The following GDAP1L1 variants were observed in gnomAD, a reference collection of about 807,000 sequenced individuals.
GDAP1L1 encodes ganglioside induced differentiation associated protein 1 like 1.
Under a neutral mutation model 37.1 loss-of-function variants are expected in GDAP1L1, and 21 were observed. The observed-to-expected ratio is 0.57, with a 90% CI of 0.40 to 0.81. The LOEUF (loss-of-function observed/expected upper bound fraction) is 0.81, where lower values mean the gene tolerates loss of function less well. Among genes scored for constraint, GDAP1L1 ranks in the 40% least tolerant of loss-of-function variants. The pLI, the probability that GDAP1L1 is intolerant of heterozygous loss-of-function variation, is 0.00. For synonymous variants in GDAP1L1, 193 were observed against 209.1 expected, an observed-to-expected ratio of 0.92 and a Z score of 0.67; for missense variants, 362 against 491.6, an observed-to-expected ratio of 0.74 and a Z score of 2.49.
At chr20:44,254,573 C>A (rs1348108566) in intron 1 of GDAP1L1, among the ~76,000 whole-genome samples, 1 of 152,230 alleles carries the variant, frequency 6.6e-6, no homozygotes, top group East Asian at 1.9e-4. Flanking sequence ...CTGAATCCAG[C>A]CCCCTTGTTT....
intron 3 of GDAP1L1, among the ~76,000 whole-genome samples, chr20:44,260,854 G>A (rs969449294): frequency 5.3e-5 from 8 of 152,222 alleles, no homozygotes; most frequent in African/African-American, 1.9e-4. Flanking sequence ...CCAAAGAGCA[G>A]TGGAGAAACG....
chr20:44,275,537 G>C (rs2062563899), intron 5 of GDAP1L1, among the ~76,000 whole-genome samples: 1 of 152,150 alleles, frequency 6.6e-6, no homozygotes, highest in Non-Finnish European at 1.5e-5. Flanking sequence ...GAGCATTCCG[G>C]GCATGGGGTA....
intron 3 of GDAP1L1, among the ~76,000 whole-genome samples, chr20:44,262,973 GTGT>G (rs974226776): frequency 6.6e-6 from 1 of 152,050 alleles, no homozygotes; most frequent in African/African-American, 2.4e-5. Context: ...GCCTCCCAAA[GTGT>G]TAGGATTACA....
At chr20:44,251,878 TATA>T (rs2073450964) in intron 1 of GDAP1L1, among the ~76,000 whole-genome samples, 2 of 152,244 alleles carry the variant, frequency 1.3e-5, no homozygotes, top group South Asian at 4.1e-4. Flanking sequence ...TACGGCGTTA[TATA>T]ATAATATTTA....
At chr20:44,250,575 G>A (rs2073420938) in intron 1 of GDAP1L1, among the ~76,000 whole-genome samples, 2 of 152,206 alleles carry the variant, frequency 1.3e-5, no homozygotes, top group South Asian at 4.1e-4. Flanking sequence ...GCCTGTCTAA[G>A]TCAGCTTTCT....
intron 1 of GDAP1L1, among the ~76,000 whole-genome samples, chr20:44,248,166 C>T (rs914466030): frequency 5.9e-5 from 9 of 152,234 alleles, no homozygotes; most frequent in African/African-American, 1.4e-4. Flanking sequence ...ACAGAGTGGC[C>T]CCAGCCCCTA....
chr20:44,272,909 C>T (rs1324269860), intron 5 of GDAP1L1, among the ~76,000 whole-genome samples: 1 of 152,162 alleles, frequency 6.6e-6, no homozygotes, highest in Non-Finnish European at 1.5e-5. Flanking sequence ...CAATCGGCTG[C>T]ATGGATTTGT....
chr20:44,258,967 C>G (rs879036869), intron 3 of GDAP1L1, among the ~76,000 whole-genome samples: 1 of 143,700 alleles, frequency 7.0e-6, no homozygotes, highest in Non-Finnish European at 1.5e-5. Flanking sequence ...TCTTGTCCTG[C>G]CCCCCCCATA....
At chr20:44,247,304 CCTT>C (rs1395047035), upstream of GDAP1L1, 5 of 1,611,466 alleles carry the variant, frequency 3.1e-6, no homozygotes, top group Non-Finnish European at 3.4e-6. Context: ...GCCGGAGCCT[CCTT>C]CTTTCCTGCC....
upstream of GDAP1L1, chr20:44,247,203 G>C: frequency 1.1e-6 from 1 of 899,196 alleles, no homozygotes; most frequent in Middle Eastern, 2.7e-4. Context: ...CAACTGCCCG[G>C]TGAGTAATGA....
intron 1 of GDAP1L1, among the ~76,000 whole-genome samples, chr20:44,252,837 A>C (rs536741766): frequency 6.6e-6 from 1 of 151,272 alleles, no homozygotes; most frequent in Non-Finnish European, 1.5e-5. Context: ...AAAAAAAAAA[A>C]AAATCCTATG....
chr20:44,247,155 G>C, upstream of GDAP1L1: 1 of 648,412 alleles, frequency 1.5e-6, no homozygotes, highest in Non-Finnish European at 2.7e-6. Flanking sequence ...AGGGGGAGGA[G>C]GAGAAAGGAG....
Position 44,279,015 on chromosome 20 carries a change from G to A in GDAP1L1, c.819G>A (p.Leu273=), listed in dbSNP as rs2062613796. The change falls in exon 6 of 6, where the codon CTG becomes CTA. Residue 273 remains leucine (L), a synonymous_variant. Transcript: ENST00000342560. ...CCTTCACCCTCGCTGATGTCCTCCT[G>A]GGAGCCACCCTGCACCGCCTCAAGT... ...GCAFTLADVL[L]GATLHRLKFL... 1 of 1,614,130 alleles carries A rather than the reference G, an allele frequency of 6.2e-7. No individual in the cohort carries two copies. The highest frequency in any genetic ancestry group is 1.1e-5 in the South Asian group (1 of 91,080).
chr20:44,252,376 G>A (rs1002287721), intron 1 of GDAP1L1, among the ~76,000 whole-genome samples: 10 of 152,164 alleles, frequency 6.6e-5, no homozygotes, highest in East Asian at 1.9e-4. Context: ...GTGGTGGCTC[G>A]CGCCTGTAAT....
chr20:44,279,510 AGAGAGAGGAAGC>A lies in GDAP1L1; in HGVS notation c.*218_*229del, dbSNP rs1165405760. 2.8e-6 allele frequency: 2 copies of A among 705,978 alleles called. No individual in the cohort carries two copies. Among genetic ancestry groups the A allele is most frequent in the Non-Finnish European group, 5.3e-6 (2 of 378,744 alleles). The allele number at this position is 705,978 out of a possible 1,614,324, so 43.7% of individuals were successfully genotyped here. On this transcript the variant is annotated 3_prime_UTR_variant, in exon 6 of 6. Transcript: ENST00000342560. ...CTCAAGGCCACGGCTCTACTAAAAGAGAGAGAGGAAGCGAGAGAGAGAGAGAAAAAACAAAAA... is the reference window on the plus strand; with the variant it reads ...CTCAAGGCCACGGCTCTACTAAAAGAGAGAGAGAGAGAGAAAAAACAAAAA...
chr20:44,260,623 C>T (rs993073218), intron 3 of GDAP1L1, among the ~76,000 whole-genome samples: 2 of 152,138 alleles, frequency 1.3e-5, no homozygotes, highest in South Asian at 2.1e-4. Context: ...CCCCAGCCTC[C>T]GGGGCCACAG....
intron 5 of GDAP1L1, among the ~76,000 whole-genome samples, chr20:44,277,757 A>G (rs1484835379): frequency 1.3e-5 from 2 of 152,230 alleles, no homozygotes; most frequent in East Asian, 1.9e-4. Flanking sequence ...TTGGACAAGG[A>G]CGGTACAAGT....
Position 44,264,533 on chromosome 20 carries a change from T to C in GDAP1L1, c.734T>C (p.Leu245Pro). ...GTGCTGGACCAGATTGAGGCGGAGC[T>C]GGAGAAGAGGAAGCTGGAGAACGAG... Reference protein sequence around the residue: ...AMVLDQIEAELEKRKLENEGQ... With the variant: ...AMVLDQIEAEPEKRKLENEGQ... The change falls in exon 5 of 6, where the codon CTG becomes CCG. Residue 245 changes from leucine to proline, a missense_variant. By Grantham distance (98) the Leu-to-Pro change is moderately conservative. Around this residue, in one of 2 missense-constraint regions of GDAP1L1, gnomAD observed 277 missense variants for 337.1 expected, o/e 0.82. Transcript: ENST00000342560. 1 of 1,608,146 alleles carries C rather than the reference T, an allele frequency of 6.2e-7. No individual in the cohort carries two copies. The highest frequency in any genetic ancestry group is 8.5e-7 in the Non-Finnish European group (1 of 1,176,778).
chr20:44,249,327 C>T (rs2073395794), intron 1 of GDAP1L1, among the ~76,000 whole-genome samples: 1 of 152,092 alleles, frequency 6.6e-6, no homozygotes, highest in Non-Finnish European at 1.5e-5. Flanking sequence ...TGTGAGCCAC[C>T]AGGAGCGGCC....
Sources: allele counts gnomAD v4.1 joint callset (sites outside exome capture counted in the v4.1 genomes callset), GRCh38; gene constraint gnomAD v4.1.1; regional missense constraint gnomAD v4.1.1; transcripts MANE v1.5; gene names NCBI Gene and HGNC (gene_info 2026-07-23, HGNC 2026-07-21).